The following ANKRD18B variants were observed in gnomAD, a reference collection of about 807,000 sequenced individuals.
ANKRD18B encodes ankyrin repeat domain-containing protein 18B.
In ANKRD18B, 75 loss-of-function variants were observed where a neutral mutation model predicts 111.8. The ratio of observed to expected loss-of-function variants is 0.67; its 90% CI spans 0.56 to 0.81. The LOEUF is 0.81. Ranked by LOEUF, ANKRD18B falls within the 40% of genes least tolerant of loss-of-function variation. The pLI is 0.00. For missense variants in ANKRD18B, 1,038 were observed against 1,225.5 expected, an observed-to-expected ratio of 0.85 and a Z score of 2.28; for synonymous variants, 356 against 417.3, an observed-to-expected ratio of 0.85 and a Z score of 1.79.
At chr9:33,537,807 A>ATT (rs1221938419) in intron 6 of ANKRD18B, among the ~76,000 whole-genome samples, 1 of 152,208 alleles carries the variant, frequency 6.6e-6, no homozygotes, top group Non-Finnish European at 1.5e-5. Flanking sequence ...GTGAACACGT[A>ATT]TTTGTATGTG....
At chr9:33,547,873 A>T (rs985056246) in intron 10 of ANKRD18B, 65 bp from the exon 11 acceptor site, 18 of 1,154,664 alleles carry the variant, frequency 1.6e-5, no homozygotes, top group Middle Eastern at 2.1e-4. Context: ...TTGCTCTTTC[A>T]CTTCAGAAAT....
At chr9:33,548,882 C>A in intron 11 of ANKRD18B, 27 bp downstream of exon 11, 1 of 1,440,052 alleles carries the variant, frequency 6.9e-7, no homozygotes, top group East Asian at 2.5e-5. Context: ...CTATAACCTT[C>A]TGGAAAGAAA....
At position 33,548,682 on chromosome 9, in the gene ANKRD18B, G is replaced by C. The variant is rs1378192499; in HGVS notation, c.1894G>C (p.Glu632Gln). The change falls in exon 11 of 19, where the codon GAG becomes CAG. Residue 632 changes from glutamate (E) to glutamine (Q), a missense_variant. By Grantham distance (29) the Glu-to-Gln change is conservative. This residue lies in a region of ANKRD18B where 524 missense variants were observed against 677.9 expected (regional missense o/e 0.77). Coordinates refer to ENST00000684830, the MANE Select transcript of ANKRD18B (RefSeq NM_001393611.1). ...AAATCTCTTGCTTGAACGACAACTA[G>C]AGGATGCTCGTAAGGAAGGTGATAA... Reference protein sequence around the residue: ...LENLLLERQLEDARKEGDNKE... With the variant: ...LENLLLERQLQDARKEGDNKE... 1 of 1,551,186 alleles carries C rather than the reference G, an allele frequency of 6.4e-7. No individual in the cohort carries two copies. Among genetic ancestry groups the C allele is most frequent in the Non-Finnish European group, 8.7e-7 (1 of 1,146,648 alleles).
intron 8 of ANKRD18B, among the ~76,000 whole-genome samples, chr9:33,540,661 C>G (rs1350315002): frequency 1.3e-5 from 2 of 151,904 alleles, no homozygotes; most frequent in Non-Finnish European, 2.9e-5. Context: ...GATTGGCAAG[C>G]TTTCTCTGTA....
chr9:33,565,131 C>G (rs56114080), intron 14 of ANKRD18B, among the ~76,000 whole-genome samples: 1 of 152,118 alleles, frequency 6.6e-6, no homozygotes, highest in Non-Finnish European at 1.5e-5. Flanking sequence ...TGTTTACTTA[C>G]AATAGTTTGA....
At chr9:33,531,588 T>A (rs550523346) in intron 3 of ANKRD18B, among the ~76,000 whole-genome samples, 21 of 150,772 alleles carry the variant, frequency 1.4e-4, no homozygotes, top group Non-Finnish European at 2.2e-4. Context: ...ATTCTCCAGT[T>A]TGCTACTGTG....
At chr9:33,539,083 T>C (rs1418269676) in intron 6 of ANKRD18B, among the ~76,000 whole-genome samples, 1 of 152,222 alleles carries the variant, frequency 6.6e-6, no homozygotes, top group Non-Finnish European at 1.5e-5. Context: ...ATTCAAATAC[T>C]TGTCCACTTA....
At position 33,572,635 on chromosome 9, in the gene ANKRD18B, A is replaced by G. The variant is rs10971570; in HGVS notation, c.*201A>G. On this transcript the variant is annotated 3_prime_UTR_variant, in exon 19 of 19. Coordinates refer to ENST00000684830, the MANE Select transcript of ANKRD18B (RefSeq NM_001393611.1). ...ATGAACACCAGTGTTATTGAGTTTG[A>G]CCTACTCAAATTGCCTGAATGTCAG... 228,961 of 1,164,200 alleles carry G rather than the reference A, an allele frequency of 0.2. 23,973 individuals carry two copies. Among genetic ancestry groups the G allele is most frequent in the Admixed American group, 0.21 (5,012 of 23,526 alleles). The allele number at this position is 1,164,200 out of a possible 1,614,324, so 72.1% of individuals were successfully genotyped here. A position where few individuals can be genotyped will look rare whatever the true frequency, so the allele number is the denominator to read the frequency against.
intron 2 of ANKRD18B, 78 bp downstream of exon 2, chr9:33,528,919 A>T: frequency 6.4e-7 from 1 of 1,568,156 alleles, no homozygotes. Flanking sequence ...TCATTTAAAT[A>T]TAGCTAGTTG....
chr9:33,546,351 A>G (rs180837131), intron 10 of ANKRD18B, among the ~76,000 whole-genome samples: 4 of 152,300 alleles, frequency 2.6e-5, no homozygotes, highest in Admixed American at 1.3e-4. Context: ...AAACAAATAC[A>G]CATACTTTCA....
rs1313575326 is a variant in ANKRD18B, at chr9:33,540,224, AT to A, written c.997+17del. The A allele has an allele frequency of 6.6e-6, 1 of 151,110 alleles. No homozygotes were observed. The highest frequency in any genetic ancestry group is 1.5e-5 in the Non-Finnish European group (1 of 67,820). The allele number at this position is 151,110 out of a possible 1,614,324, so 9.4% of individuals were successfully genotyped here. A position where few individuals can be genotyped will look rare whatever the true frequency, so the allele number is the denominator to read the frequency against. On this transcript the variant is annotated intron_variant, in intron 8 of 18. Coordinates refer to ENST00000684830, the MANE Select transcript of ANKRD18B (RefSeq NM_001393611.1). ...GCGACCATGCCCAGGTAATTTTTGT[AT>A]TTTTAGTAGAGACAGGGTTTCACCA... is the stretch of plus-strand genomic sequence containing the variant.
intron 9 of ANKRD18B, among the ~76,000 whole-genome samples, chr9:33,542,378 T>TC (rs1491568167): frequency 2.0e-5 from 1 of 49,534 alleles, no homozygotes; most frequent in East Asian, 4.3e-4. Context: ...CCTTTTTTCC[T>TC]TTTTTTTTTT....
chr9:33,544,234 G>A (rs1332636663), intron 10 of ANKRD18B, among the ~76,000 whole-genome samples: 6 of 152,020 alleles, frequency 3.9e-5, no homozygotes, highest in Admixed American at 6.6e-5. Flanking sequence ...CCTGGTTCAC[G>A]TTTTTCCCCT....
chr9:33,561,850 A>G (rs986632529), intron 14 of ANKRD18B, among the ~76,000 whole-genome samples: 6 of 152,204 alleles, frequency 3.9e-5, no homozygotes, highest in African/African-American at 7.2e-5. Flanking sequence ...TAGATTATCA[A>G]TTCTTAGTTT....
downstream of ANKRD18B, among the ~76,000 whole-genome samples, chr9:33,574,994 A>G (rs1171333278): frequency 6.6e-6 from 1 of 152,138 alleles, no homozygotes; most frequent in African/African-American, 2.4e-5. Flanking sequence ...ACATCTCAAC[A>G]CAGCTGACTG....
intron 10 of ANKRD18B, among the ~76,000 whole-genome samples, chr9:33,547,607 C>A (rs1416668640): frequency 6.6e-6 from 1 of 151,606 alleles, no homozygotes; most frequent in Admixed American, 6.6e-5. Flanking sequence ...AATTTTTAAA[C>A]AACTTTATGC....
intron 10 of ANKRD18B, among the ~76,000 whole-genome samples, chr9:33,547,340 T>C (rs141226747): frequency 0.067 from 10,232 of 152,220 alleles, 394 homozygotes; most frequent in South Asian, 0.11. Context: ...CTAAATAAGT[T>C]CATCAATATA....
chr9:33,564,362 T>G (rs942560941), intron 14 of ANKRD18B, among the ~76,000 whole-genome samples: 1 of 152,216 alleles, frequency 6.6e-6, no homozygotes, highest in Non-Finnish European at 1.5e-5. Flanking sequence ...TCCACGTGGC[T>G]ACAAGTAAGA....
intron 12 of ANKRD18B, among the ~76,000 whole-genome samples, chr9:33,552,957 C>T (rs1388375875): frequency 2.6e-5 from 4 of 151,966 alleles, no homozygotes; most frequent in African/African-American, 9.7e-5. Flanking sequence ...GATAAAGAAC[C>T]GGAGACACGG....
Sources: allele counts gnomAD v4.1 joint callset (sites outside exome capture counted in the v4.1 genomes callset), GRCh38; gene constraint gnomAD v4.1.1; regional missense constraint gnomAD v4.1.1; transcripts MANE v1.5; gene names NCBI Gene and HGNC (gene_info 2026-07-23, HGNC 2026-07-21).